POLR2B: variants seen among roughly 807,000 people sequenced by gnomAD.
The protein encoded by POLR2B is DNA-directed RNA polymerase II subunit RPB2.
A neutral mutation model predicts 144.6 loss-of-function variants in POLR2B; 57 were observed. That is an observed-to-expected ratio of 0.39 (90% CI 0.32 to 0.49). POLR2B has a LOEUF of 0.49. Ranked by LOEUF, POLR2B falls within the 20% of genes least tolerant of loss-of-function variation. The pLI is 0.83. For synonymous variants in POLR2B, 442 were observed against 469.8 expected, an observed-to-expected ratio of 0.94 and a Z score of 0.77; for missense variants, 595 against 1,467.4, an observed-to-expected ratio of 0.41 and a Z score of 9.71.
chr4:56,997,840 C>G (rs1722736379), intron 6 of POLR2B, among the ~76,000 whole-genome samples: 1 of 152,154 alleles, frequency 6.6e-6, no homozygotes, highest in African/African-American at 2.4e-5. Context: ...AATCTGCTGA[C>G]TCAATAGTGA....
At chr4:56,982,072 T>C (rs1722171539) in intron 1 of POLR2B, among the ~76,000 whole-genome samples, 1 of 152,222 alleles carries the variant, frequency 6.6e-6, no homozygotes, top group African/African-American at 2.4e-5. Context: ...CCATTTTCCA[T>C]TGTTTCAGTT....
chr4:57,017,358 C>T lies in POLR2B; in HGVS notation c.2154+117C>T, dbSNP rs1056266381. The T allele has an allele frequency of 2.5e-6, 2 of 813,802 alleles. No homozygotes were observed. Among genetic ancestry groups the T allele is most frequent in the Non-Finnish European group, 4.0e-6 (2 of 499,156 alleles). The allele number at this position is 813,802 out of a possible 1,614,324, so 50.4% of individuals were successfully genotyped here. ...CCTTTTAATGAAAAGGCTATTAACTCCTACGGAATCAGTATTTGATATAAT... is the reference window on the plus strand; with the variant it reads ...CCTTTTAATGAAAAGGCTATTAACTTCTACGGAATCAGTATTTGATATAAT... On this transcript the variant is annotated intron_variant, in intron 15 of 24. Coordinates refer to ENST00000314595, the MANE Select transcript of POLR2B (RefSeq NM_000938.3). The surrounding 1 kb of genome is among the most constrained non-coding windows in gnomAD (Gnocchi z 4.8).
chr4:56,994,057 TAAGA>T (rs1722604197), intron 3 of POLR2B, among the ~76,000 whole-genome samples: 1 of 152,240 alleles, frequency 6.6e-6, no homozygotes, highest in African/African-American at 2.4e-5. Context: ...TCTTCTGCCT[TAAGA>T]AAGCAATTAG....
At chr4:57,021,461 A>G (rs981273552) in intron 17 of POLR2B, among the ~76,000 whole-genome samples, 4 of 151,166 alleles carry the variant, frequency 2.6e-5, no homozygotes, top group African/African-American at 9.7e-5. Flanking sequence ...CTCAGAGGAC[A>G]GATACTATGG....
Position 57,024,000 on chromosome 4 carries a change from T to C in POLR2B, c.2857-5T>C, listed in dbSNP as rs747298452. ...TTGAGTCCCTTTTAAAATTTTTCTT[T>C]GTAGGATATGCCTTTCACCTGTGAA... is the stretch of plus-strand genomic sequence containing the variant. On this transcript the variant is annotated splice_polypyrimidine_tract_variant and splice_region_variant and intron_variant, in intron 20 of 24. Transcript: ENST00000314595. The surrounding 1 kb of genome is among the most constrained non-coding windows in gnomAD (Gnocchi z 4.3). The C allele has an allele frequency of 1.6e-5, 24 of 1,531,896 alleles. No homozygotes were observed. The African/African-American group carries it at 2.5e-4, about 16-fold the overall frequency. The allele number at this position is 1,531,896 out of a possible 1,614,324, so 94.9% of individuals were successfully genotyped here.
At chr4:57,014,129 G>T (rs766109009) in intron 13 of POLR2B, among the ~76,000 whole-genome samples, 1 of 152,174 alleles carries the variant, frequency 6.6e-6, no homozygotes, top group Non-Finnish European at 1.5e-5. Flanking sequence ...ACAGGCAGTA[G>T]ACTAGGAACT....
At chr4:57,024,823 A>T (rs1192973495) in intron 21 of POLR2B, 63 bp from the exon 22 acceptor site, 2 of 780,382 alleles carry the variant, frequency 2.6e-6, no homozygotes, top group Admixed American at 5.0e-5. Flanking sequence ...ATTTTTATTG[A>T]TATGACTTTT....
intron 24 of POLR2B, 45 bp from the exon 25 acceptor site, chr4:57,030,854 A>T: frequency 9.3e-7 from 1 of 1,080,840 alleles, no homozygotes; most frequent in Non-Finnish European, 1.4e-6. Flanking sequence ...AAGTGGGGTC[A>T]CTTCAATACA....
chr4:56,996,178 C>T (rs988260436), intron 6 of POLR2B, among the ~76,000 whole-genome samples: 2 of 142,384 alleles, frequency 1.4e-5, no homozygotes, highest in Non-Finnish European at 3.0e-5. Flanking sequence ...ATTTTTACAG[C>T]TATCTTGGAA....
intron 23 of POLR2B, among the ~76,000 whole-genome samples, chr4:57,029,782 G>A (rs1472335252): frequency 6.6e-6 from 1 of 152,136 alleles, no homozygotes; most frequent in Non-Finnish European, 1.5e-5. Flanking sequence ...ATGATAGCAT[G>A]ATGAACCTCC....
At chr4:56,979,108 A>G (rs1192110538) in intron 1 of POLR2B, 104 bp downstream of exon 1, 2 of 1,189,620 alleles carry the variant, frequency 1.7e-6, no homozygotes, top group African/African-American at 1.5e-5. Context: ...CGCCGGCTGC[A>G]CAGTCCCCAG....
intron 16 of POLR2B, among the ~76,000 whole-genome samples, chr4:57,018,919 G>A (rs1723449060): frequency 6.6e-6 from 1 of 152,200 alleles, no homozygotes; most frequent in African/African-American, 2.4e-5. Context: ...TATGAGTGTT[G>A]ACTATTAAAG....
At chr4:56,987,919 A>C (rs909789963) in intron 2 of POLR2B, among the ~76,000 whole-genome samples, 1 of 151,400 alleles carries the variant, frequency 6.6e-6, no homozygotes, top group Non-Finnish European at 1.5e-5. Context: ...GTTGTCCAGA[A>C]TCTTACAAAA....
intron 13 of POLR2B, 37 bp downstream of exon 13, chr4:57,011,137 A>G (rs770646916): frequency 9.1e-6 from 12 of 1,312,252 alleles, no homozygotes; most frequent in Non-Finnish European, 1.2e-5. Flanking sequence ...GGACTGTGAG[A>G]TTTTTAAACA....
intron 23 of POLR2B, among the ~76,000 whole-genome samples, chr4:57,027,856 TA>T (rs541493193): frequency 6.6e-6 from 1 of 152,172 alleles, no homozygotes; most frequent in African/African-American, 2.4e-5. Context: ...TTCATTATAA[TA>T]AAAAAATTGC....
chr4:57,027,428 C>G (rs1723758795), intron 23 of POLR2B, among the ~76,000 whole-genome samples: 2 of 151,876 alleles, frequency 1.3e-5, no homozygotes, highest in Non-Finnish European at 2.9e-5. Flanking sequence ...CCATCTCAGC[C>G]TCAAGTAGCT....
At chr4:56,993,979 T>A (rs1169543427) in intron 3 of POLR2B, among the ~76,000 whole-genome samples, 7 of 152,228 alleles carry the variant, frequency 4.6e-5, no homozygotes, top group Non-Finnish European at 1.0e-4. Context: ...CCATTTTAAC[T>A]GTTTCATATA....
chr4:56,980,766 A>T (rs1722132998), intron 1 of POLR2B, among the ~76,000 whole-genome samples: 1 of 152,000 alleles, frequency 6.6e-6, no homozygotes, highest in African/African-American at 2.4e-5. Flanking sequence ...CACAGTGGGT[A>T]ACTACAGTTA....
intron 23 of POLR2B, among the ~76,000 whole-genome samples, chr4:57,027,624 T>C (rs1265397679): frequency 6.6e-6 from 1 of 152,230 alleles, no homozygotes; most frequent in Non-Finnish European, 1.5e-5. Flanking sequence ...GGATATTTTT[T>C]TGATACTACA....
Sources: gnomAD v4.1 joint callset for allele counts (sites outside exome capture counted in the v4.1 genomes callset) on GRCh38, gnomAD v4.1.1 for gene constraint, Gnocchi (gnomAD v3.1) non-coding constraint, MANE v1.5 for transcripts, NCBI Gene and HGNC (gene_info 2026-07-23, HGNC 2026-07-21) for gene names.